The following UBE2U variants were observed in gnomAD, a reference collection of about 807,000 sequenced individuals.
UBE2U encodes the protein ubiquitin conjugating enzyme E2 U, also known as ubiquitin-conjugating enzyme E2 U.
UBE2U carries 39 observed loss-of-function variants against 41.2 expected under a neutral mutation model. That is an observed-to-expected ratio of 0.95 (90% CI 0.73 to 1.24). The LOEUF (loss-of-function observed/expected upper bound fraction) is 1.24. Among genes scored for constraint, UBE2U ranks in the 50% most tolerant of loss-of-function variants. UBE2U has a pLI of 0.00. For missense variants in UBE2U, 336 were observed against 363.1 expected, an observed-to-expected ratio of 0.93 and a Z score of 0.61; for synonymous variants, 107 against 117.8, an observed-to-expected ratio of 0.91 and a Z score of 0.60.
chr1:64,233,477 G>T (rs1644610010), intron 7 of UBE2U, among the ~76,000 whole-genome samples: 1 of 152,094 alleles, frequency 6.6e-6, no homozygotes, highest in African/African-American at 2.4e-5. Flanking sequence ...ATAGTCAATT[G>T]GAGGAATAAC....
At chr1:64,213,524 A>G (rs1055966455) in intron 4 of UBE2U, among the ~76,000 whole-genome samples, 2 of 152,208 alleles carry the variant, frequency 1.3e-5, no homozygotes, top group Non-Finnish European at 2.9e-5. Context: ...TTAGAACACT[A>G]ATACTATAAA....
At chr1:64,256,586 A>T (rs1645095388) in intron 8 of UBE2U, among the ~76,000 whole-genome samples, 2 of 152,146 alleles carry the variant, frequency 1.3e-5, no homozygotes, top group Non-Finnish European at 2.9e-5. Context: ...TTGAAAGTGG[A>T]CCCCTTCCTT....
chr1:64,213,570 G>C (rs1651788873), intron 4 of UBE2U, among the ~76,000 whole-genome samples: 1 of 152,054 alleles, frequency 6.6e-6, no homozygotes, highest in Admixed American at 6.6e-5. Context: ...TCCCCTATTG[G>C]ACTGCAAGCT....
At chr1:64,246,085 G>A (rs983529981) in intron 8 of UBE2U, among the ~76,000 whole-genome samples, 2 of 151,996 alleles carry the variant, frequency 1.3e-5, no homozygotes, top group Non-Finnish European at 2.9e-5. Flanking sequence ...TGAAAAAGTT[G>A]TGTTTTTTCT....
At chr1:64,247,412 T>A (rs1307211422) in intron 8 of UBE2U, among the ~76,000 whole-genome samples, 2 of 152,288 alleles carry the variant, frequency 1.3e-5, no homozygotes, top group East Asian at 3.9e-4. Context: ...AATCTTATGT[T>A]GATATTTGAT....
chr1:64,254,545 A>G (rs981108311), intron 8 of UBE2U, among the ~76,000 whole-genome samples: 3 of 152,226 alleles, frequency 2.0e-5, no homozygotes, highest in Non-Finnish European at 2.9e-5. Flanking sequence ...AACTGAAGTC[A>G]TAACAGACTT....
chr1:64,222,480 A>G (rs1028671971), intron 6 of UBE2U, among the ~76,000 whole-genome samples: 6 of 152,182 alleles, frequency 3.9e-5, no homozygotes, highest in Non-Finnish European at 8.8e-5. Context: ...AGGATAAATG[A>G]TGCTAGAATC....
chr1:64,265,202 G>A (rs1194504067), intron 9 of UBE2U, among the ~76,000 whole-genome samples: 1 of 152,138 alleles, frequency 6.6e-6, no homozygotes, highest in Non-Finnish European at 1.5e-5. Context: ...AGTAAGAAGA[G>A]CTGTGTCCTT....
At chr1:64,221,948 G>A (rs906378228) in intron 6 of UBE2U, among the ~76,000 whole-genome samples, 8 of 152,108 alleles carry the variant, frequency 5.3e-5, no homozygotes, top group Middle Eastern at 3.4e-3. Flanking sequence ...TTAGCCGAGC[G>A]TGGTGACAGC....
In UBE2U at chr1:64,241,628, CT is replaced by C. The variant is rs1212918553; in HGVS notation, c.596-17del. The C allele has an allele frequency of 7.1e-6, 11 of 1,541,450 alleles. No homozygotes were observed. The African/African-American group carries it at 1.2e-4, about 17-fold the overall frequency. On this transcript the variant is annotated intron_variant, in intron 7 of 9. Transcript: ENST00000371077. ...TTATTAAAGAATGTATGTATAGCTTCTTTTTTTAATATTCTAATTTCAGTGC... is the reference window on the plus strand; with the variant it reads ...TTATTAAAGAATGTATGTATAGCTTCTTTTTTAATATTCTAATTTCAGTGC...
In UBE2U at chr1:64,267,180, C is replaced by T. The variant is rs192946502; in HGVS notation, c.926C>T (p.Thr309Ile). Residue 309 changes from threonine (T) to isoleucine (I), a missense_variant, in exon 10 of 10, where the codon ACT (threonine) becomes ATT (isoleucine). Thr to Ile is a moderately conservative substitution (Grantham distance 89). Transcript: ENST00000371077. ...GAAGATCTGATCTCCTGGACCAATA[C>T]TCTCAATACAAATACTTCAGAAGAT... ...EVEDLISWTN[T>I]LNTNTSED The T allele has an allele frequency of 4.4e-4, 674 of 1,535,640 alleles. 1 individual carries two copies. Among genetic ancestry groups the T allele is most frequent in the Admixed American group, 1.3e-3 (61 of 46,776 alleles).
chr1:64,260,104 A>G (rs705540), intron 8 of UBE2U, among the ~76,000 whole-genome samples: 61,821 of 151,772 alleles, frequency 0.41, 13,459 homozygotes, highest in Middle Eastern at 0.52. Flanking sequence ...TATAAGCCAT[A>G]CAATGTAAAG....
At position 64,241,745 on chromosome 1, in the gene UBE2U, G is replaced by T. The variant is rs1320723191; in HGVS notation, c.677+12G>T. 1 of 1,588,444 alleles carries T rather than the reference G, an allele frequency of 6.3e-7. No homozygotes were observed. The highest frequency in any genetic ancestry group is 1.4e-5 in the African/African-American group (1 of 73,944). ...GAATGGAATTTAAAGTAAGAAATAT[G>T]AAGTGCCTTGAATGTGTACATTAAC... is the stretch of plus-strand genomic sequence containing the variant. On this transcript the variant is annotated intron_variant, in intron 8 of 9. Coordinates refer to ENST00000371077, the MANE Select transcript of UBE2U (RefSeq NM_001366232.2).
chr1:64,235,239 G>T (rs144376103), intron 7 of UBE2U, among the ~76,000 whole-genome samples: 2 of 152,282 alleles, frequency 1.3e-5, no homozygotes, highest in African/African-American at 4.8e-5. Context: ...GTTTGTAAAG[G>T]TAATAACTGG....
intron 4 of UBE2U, among the ~76,000 whole-genome samples, chr1:64,213,536 C>G (rs542865192): frequency 6.6e-6 from 1 of 152,308 alleles, no homozygotes; most frequent in Admixed American, 6.5e-5. Flanking sequence ...TACTATAAAG[C>G]ACACACTGCT....
intron 8 of UBE2U, among the ~76,000 whole-genome samples, chr1:64,251,763 A>G (rs1294209789): frequency 6.6e-6 from 1 of 152,124 alleles, no homozygotes; most frequent in East Asian, 1.9e-4. Flanking sequence ...GGTCCAATAT[A>G]CAGAGCTGTG....
chr1:64,206,483 A>G (rs1651303587), intron 2 of UBE2U, among the ~76,000 whole-genome samples: 1 of 151,246 alleles, frequency 6.6e-6, no homozygotes, highest in Admixed American at 6.6e-5. Flanking sequence ...TGGGAACATG[A>G]GTTCAGTCAA....
At chr1:64,245,006 G>A (rs1362113671) in intron 8 of UBE2U, among the ~76,000 whole-genome samples, 1 of 152,072 alleles carries the variant, frequency 6.6e-6, no homozygotes, top group Non-Finnish European at 1.5e-5. Context: ...TTCTATTTTG[G>A]GAGTTCTAAG....
rs1651246606 is a variant in UBE2U, at chr1:64,205,657, G to A, written c.85G>A (p.Val29Ile). 1.2e-6 allele frequency: 2 copies of A among 1,612,986 alleles called. No homozygotes were observed. The highest frequency in any genetic ancestry group is 1.7e-4 in the Middle Eastern group (1 of 6,054). Residue 29 changes from valine to isoleucine, a missense_variant, in exon 2 of 10, where the codon GTA (valine) becomes ATA (isoleucine). Physicochemically the swap from Val to Ile is conservative, Grantham distance 29. Coordinates refer to ENST00000371077, the MANE Select transcript of UBE2U (RefSeq NM_001366232.2). ...CTTCAAGGGTATCACTGCTAAGCCT[G>A]TAAGTGAAGATATGATGGAATGGGA... ...NNYKGITAKP[V>I]SEDMMEWEVE...
Sources: gnomAD v4.1 joint callset for allele counts (sites outside exome capture counted in the v4.1 genomes callset) on GRCh38, gnomAD v4.1.1 for gene constraint, MANE v1.5 for transcripts, NCBI Gene and HGNC (gene_info 2026-07-23, HGNC 2026-07-21) for gene names.